The following TSPAN5 variants were observed in gnomAD, a reference collection of about 807,000 sequenced individuals.
TSPAN5 encodes tetraspanin 5.
Under a neutral mutation model 37.1 loss-of-function variants are expected in TSPAN5, and 10 were observed. That is an observed-to-expected ratio of 0.27 (90% CI 0.17 to 0.46). The LOEUF (loss-of-function observed/expected upper bound fraction) is 0.46. Ranked by LOEUF, TSPAN5 falls within the 20% of genes least tolerant of loss-of-function variation. The pLI, the probability that TSPAN5 is intolerant of heterozygous loss-of-function variation, is 1.00. For missense variants in TSPAN5, 195 were observed against 326.6 expected (o/e 0.60, Z 3.11); for synonymous variants, 110 against 118.9 (o/e 0.93, Z 0.48).
At chr4:98,579,505 T>C (rs1755322126) in intron 1 of TSPAN5, among the ~76,000 whole-genome samples, 1 of 150,138 alleles carries the variant, frequency 6.7e-6, no homozygotes, top group South Asian at 2.2e-4. Context: ...AGTAAATGAG[T>C]GTTTAACCAA....
At chr4:98,543,283 T>C (rs1162066567) in intron 1 of TSPAN5, among the ~76,000 whole-genome samples, 3 of 152,172 alleles carry the variant, frequency 2.0e-5, no homozygotes, top group African/African-American at 4.8e-5. Context: ...ATCGTGGATG[T>C]GCCTATGGGG....
At chr4:98,483,140 G>A (rs1308749407) in intron 3 of TSPAN5, 1 of 152,202 alleles carries the variant, frequency 6.6e-6, no homozygotes, top group African/African-American at 2.4e-5. Flanking sequence ...GAGCTGTGAA[G>A]GACCAGAGGG....
chr4:98,631,305 G>C (rs1398847405), intron 1 of TSPAN5, among the ~76,000 whole-genome samples: 2 of 152,276 alleles, frequency 1.3e-5, no homozygotes. Flanking sequence ...GCAAGAAAGT[G>C]AGGAAGACAA....
At chr4:98,588,923 G>C (rs1755558183) in intron 1 of TSPAN5, among the ~76,000 whole-genome samples, 1 of 152,076 alleles carries the variant, frequency 6.6e-6, no homozygotes, top group South Asian at 2.1e-4. Flanking sequence ...TTGATAAAAG[G>C]ATAGATTAAC....
intron 1 of TSPAN5, among the ~76,000 whole-genome samples, chr4:98,529,098 C>G (rs1754024281): frequency 6.6e-6 from 1 of 152,230 alleles, no homozygotes; most frequent in African/African-American, 2.4e-5. Flanking sequence ...CACCGTAAAT[C>G]CCTGTGTGGC....
chr4:98,611,295 G>C (rs1756181818), intron 1 of TSPAN5, among the ~76,000 whole-genome samples: 1 of 152,138 alleles, frequency 6.6e-6, no homozygotes. Context: ...CCTCCCCCTT[G>C]CACAATTTCC....
chr4:98,629,891 C>T (rs1756702392), intron 1 of TSPAN5, among the ~76,000 whole-genome samples: 1 of 152,070 alleles, frequency 6.6e-6, no homozygotes, highest in South Asian at 2.1e-4. Flanking sequence ...CTTATGCTTC[C>T]CTTTCAAAAA....
intron 1 of TSPAN5, among the ~76,000 whole-genome samples, chr4:98,556,302 C>T (rs1157556300): frequency 6.6e-6 from 1 of 152,238 alleles, no homozygotes; most frequent in Non-Finnish European, 1.5e-5. Flanking sequence ...TCCCTAACTG[C>T]ATCTCATTCA....
At chr4:98,550,592 T>C (rs946867765) in intron 1 of TSPAN5, among the ~76,000 whole-genome samples, 3 of 139,068 alleles carry the variant, frequency 2.2e-5, no homozygotes, top group Non-Finnish European at 4.5e-5. Context: ...CTTGTTTAAA[T>C]ATATTCCCAG....
Position 98,572,109 on chromosome 4 carries a change from G to A in TSPAN5, c.82-64381C>T, listed in dbSNP as rs545500030. On this transcript the variant is annotated intron_variant, in intron 1 of 7. Transcript: ENST00000305798. The stretch of plus-strand genomic sequence containing the variant: ...ATGCCTCAGCCTCCCAAGTAGCTGC[G>A]ATTACCACCACACCTGGCTAATTTT... Among the ~76,000 whole-genome samples, 37 of 152,162 alleles carry A rather than the reference G, an allele frequency of 2.4e-4. 1 individual carries two copies. The highest frequency in any genetic ancestry group is 1.2e-3 in the South Asian group (6 of 4,806).
At chr4:98,524,053 T>A (rs1339487598) in intron 1 of TSPAN5, among the ~76,000 whole-genome samples, 1 of 152,216 alleles carries the variant, frequency 6.6e-6, no homozygotes, top group African/African-American at 2.4e-5. Flanking sequence ...AAAAGTGTAA[T>A]TAAAAAGTCT....
intron 1 of TSPAN5, among the ~76,000 whole-genome samples, chr4:98,568,417 C>T (rs1262854031): frequency 6.6e-6 from 1 of 152,170 alleles, no homozygotes; most frequent in African/African-American, 2.4e-5. Context: ...TGGCACGTGC[C>T]TGTAGTCCCA....
intron 2 of TSPAN5, among the ~76,000 whole-genome samples, chr4:98,493,281 A>G (rs1377949848): frequency 2.0e-5 from 3 of 152,248 alleles, no homozygotes; most frequent in Non-Finnish European, 4.4e-5. Flanking sequence ...CTTGGCATCT[A>G]TATTCCATAG....
chr4:98,612,698 G>T (rs28531755), intron 1 of TSPAN5, among the ~76,000 whole-genome samples: 3 of 151,824 alleles, frequency 2.0e-5, no homozygotes, highest in Admixed American at 6.5e-5. Flanking sequence ...CTCCCCGCGG[G>T]GCTCCCCCCG....
chr4:98,650,529 C>G lies in TSPAN5; in HGVS notation c.81+7617G>C, dbSNP rs57055920. Among the ~76,000 whole-genome samples, 3,064 of 152,166 alleles carry G rather than the reference C, an allele frequency of 0.02. 179 individuals are homozygous for G. The East Asian group carries it at 0.23, about 12-fold the overall frequency. Reference sequence around the variant, plus strand: ...CCAAGAATCTCACTGTCAAATAAAGCAGTTATAAAATATGGAGAGGAAAAA... The same window carrying G: ...CCAAGAATCTCACTGTCAAATAAAGGAGTTATAAAATATGGAGAGGAAAAA... On this transcript the variant is annotated intron_variant, in intron 1 of 7. Transcript: ENST00000305798.
chr4:98,550,625 C>G (rs1590080), intron 1 of TSPAN5, among the ~76,000 whole-genome samples: 86,564 of 134,748 alleles, frequency 0.64, 25,919 homozygotes, highest in South Asian at 0.77. Flanking sequence ...TTTTTTTTTT[C>G]TGGTAGCTAT....
intron 1 of TSPAN5, among the ~76,000 whole-genome samples, chr4:98,624,072 A>T (rs990797891): frequency 2.0e-5 from 3 of 152,178 alleles, no homozygotes; most frequent in African/African-American, 7.2e-5. Context: ...ATTGAAAAAA[A>T]GTAATAAAAT....
chr4:98,540,083 A>C (rs950662007), intron 1 of TSPAN5, among the ~76,000 whole-genome samples: 5 of 152,210 alleles, frequency 3.3e-5, no homozygotes, highest in African/African-American at 1.2e-4. Context: ...TACCCAGCTA[A>C]GCCACTCCCA....
chr4:98,621,302 G>A (rs962627878), intron 1 of TSPAN5, among the ~76,000 whole-genome samples: 1 of 150,972 alleles, frequency 6.6e-6, no homozygotes, highest in Non-Finnish European at 1.5e-5. Context: ...ATACATTTCT[G>A]TAGTTTATGC....
Sources: allele counts gnomAD v4.1 joint callset (sites outside exome capture counted in the v4.1 genomes callset), GRCh38; gene constraint gnomAD v4.1.1; transcripts MANE v1.5; gene names NCBI Gene and HGNC (gene_info 2026-07-23, HGNC 2026-07-21).